The following ATRNL1 variants were observed in gnomAD, a reference collection of about 807,000 sequenced individuals.
ATRNL1 encodes the protein attractin like 1, also known as attractin-like protein 1.
ATRNL1 carries 95 observed loss-of-function variants against 182.7 expected under a neutral mutation model. That is an observed-to-expected ratio of 0.52 (90% CI 0.44 to 0.62). The LOEUF is 0.62. Ranked by LOEUF, ATRNL1 falls within the 20% of genes least tolerant of loss-of-function variation. The probability of loss-of-function intolerance (pLI) is 0.00; values close to 1 mark genes in which losing one functional copy is unlikely to be tolerated. For missense variants in ATRNL1, 1,471 were observed against 1,679.5 expected (o/e 0.88, Z 2.17); for synonymous variants, 576 against 568.3 (o/e 1.01, Z -0.19).
Position 115,576,486 on chromosome 10 carries a change from T to C in ATRNL1, c.3795+26950T>C, listed in dbSNP as rs189693939. Among the ~76,000 whole-genome samples, 351 of 152,192 alleles carry C rather than the reference T, an allele frequency of 2.3e-3. 2 individuals are homozygous for C. The highest frequency in any genetic ancestry group is 8.2e-3 in the African/African-American group (341 of 41,552). On this transcript the variant is annotated intron_variant, in intron 26 of 28. Coordinates refer to ENST00000355044, the MANE Select transcript of ATRNL1 (RefSeq NM_207303.4). ...TGATTTGCATTTCCCTGATGATTAG[T>C]GTTGTTGAGCACTTTTCCATATATC...
intron 5 of ATRNL1, among the ~76,000 whole-genome samples, chr10:115,129,972 C>T (rs1554874711): frequency 6.6e-6 from 1 of 152,106 alleles, no homozygotes; most frequent in African/African-American, 2.4e-5. Flanking sequence ...AGGCTGACAT[C>T]TTGTGGCTAT....
chr10:115,559,940 G>C (rs374031378), intron 26 of ATRNL1, among the ~76,000 whole-genome samples: 14 of 152,132 alleles, frequency 9.2e-5, no homozygotes, highest in African/African-American at 3.4e-4. Flanking sequence ...GAAGAAAGAA[G>C]TAAAGCTATC....
chr10:115,722,478 A>T (rs1947460598), intron 26 of ATRNL1, among the ~76,000 whole-genome samples: 1 of 152,186 alleles, frequency 6.6e-6, no homozygotes, highest in Admixed American at 6.5e-5. Flanking sequence ...TGATACTAAA[A>T]GTTCTTGCCA....
At chr10:115,456,228 ACCAACCCAAATTC>A (rs1325371691) in intron 21 of ATRNL1, among the ~76,000 whole-genome samples, 1 of 152,202 alleles carries the variant, frequency 6.6e-6, no homozygotes, top group Non-Finnish European at 1.5e-5. Flanking sequence ...AAGGCTTGGA[ACCAACCCAAATTC>A]CCATTATGTT....
At chr10:115,398,136 C>T (rs973399552) in intron 20 of ATRNL1, among the ~76,000 whole-genome samples, 1 of 151,952 alleles carries the variant, frequency 6.6e-6, no homozygotes, top group African/African-American at 2.4e-5. Context: ...CTGCCATTCC[C>T]TTCCACCAGT....
At chr10:115,437,263 A>G (rs1846446765) in intron 21 of ATRNL1, among the ~76,000 whole-genome samples, 1 of 152,088 alleles carries the variant, frequency 6.6e-6, no homozygotes, top group African/African-American at 2.4e-5. Context: ...CAAGATCCAA[A>G]CAATGCTATG....
chr10:115,389,348 T>A (rs1217826937), intron 19 of ATRNL1, among the ~76,000 whole-genome samples: 1 of 151,036 alleles, frequency 6.6e-6, no homozygotes, highest in East Asian at 2.0e-4. Context: ...CTACTAAATA[T>A]ACAAAAATTA....
intron 19 of ATRNL1, among the ~76,000 whole-genome samples, chr10:115,361,993 A>G (rs1277143877): frequency 6.6e-6 from 1 of 152,074 alleles, no homozygotes; most frequent in Non-Finnish European, 1.5e-5. Flanking sequence ...CCACTCTTTA[A>G]TATAGGCAAG....
At chr10:115,547,741 G>T (rs1472740528) in intron 25 of ATRNL1, among the ~76,000 whole-genome samples, 2 of 152,140 alleles carry the variant, frequency 1.3e-5, no homozygotes, top group Non-Finnish European at 2.9e-5. Flanking sequence ...TTTAAAGAAT[G>T]AATGATTGGT....
chr10:115,634,433 G>A (rs566056314), intron 26 of ATRNL1, among the ~76,000 whole-genome samples: 7 of 152,142 alleles, frequency 4.6e-5, no homozygotes, highest in Admixed American at 1.3e-4. Flanking sequence ...AAAAGGTAAC[G>A]TTTTATGACT....
chr10:115,181,340 C>CA (rs1351583082), intron 8 of ATRNL1, among the ~76,000 whole-genome samples: 1 of 151,816 alleles, frequency 6.6e-6, no homozygotes, highest in Non-Finnish European at 1.5e-5. Context: ...TGCCATTTAA[C>CA]ACTTGATATT....
intron 25 of ATRNL1, among the ~76,000 whole-genome samples, chr10:115,525,226 G>T (rs1851148325): frequency 6.6e-6 from 1 of 152,098 alleles, no homozygotes; most frequent in East Asian, 1.9e-4. Context: ...ACTGTTGGCT[G>T]CCCACCTATT....
At chr10:115,238,508 G>C (rs1850276999) in intron 9 of ATRNL1, among the ~76,000 whole-genome samples, 1 of 152,056 alleles carries the variant, frequency 6.6e-6, no homozygotes, top group Admixed American at 6.6e-5. Flanking sequence ...TGGTTCTAAT[G>C]TAAATGGTAT....
intron 3 of ATRNL1, among the ~76,000 whole-genome samples, chr10:115,124,568 C>A (rs767963172): frequency 9.2e-5 from 14 of 152,146 alleles, no homozygotes; most frequent in Non-Finnish European, 1.9e-4. Context: ...AGGCTGAACT[C>A]AAATCTCCAG....
intron 21 of ATRNL1, among the ~76,000 whole-genome samples, chr10:115,426,573 AT>A (rs1406882403): frequency 1.3e-5 from 2 of 152,204 alleles, no homozygotes; most frequent in Non-Finnish European, 2.9e-5. Context: ...TGTGATTTTA[AT>A]GTAGTCCTTT....
At chr10:115,153,641 G>A (rs1219125514) in intron 5 of ATRNL1, among the ~76,000 whole-genome samples, 1 of 151,852 alleles carries the variant, frequency 6.6e-6, no homozygotes, top group Non-Finnish European at 1.5e-5. Flanking sequence ...TATCAATTTT[G>A]TTGATTTTTT....
At chr10:115,564,619 A>C (rs1191982659) in intron 26 of ATRNL1, among the ~76,000 whole-genome samples, 1 of 151,884 alleles carries the variant, frequency 6.6e-6, no homozygotes, top group Non-Finnish European at 1.5e-5. Context: ...TACCTTGTAC[A>C]TGTTTTCATA....
intron 24 of ATRNL1, among the ~76,000 whole-genome samples, chr10:115,475,961 ATTTAG>A (rs1485016387): frequency 6.6e-6 from 1 of 151,344 alleles, no homozygotes; most frequent in Non-Finnish European, 1.5e-5. Context: ...AAGACAAAAT[ATTTAG>A]TTTAATTCAC....
At chr10:115,709,198 G>C (rs953036710) in intron 26 of ATRNL1, among the ~76,000 whole-genome samples, 8 of 151,770 alleles carry the variant, frequency 5.3e-5, no homozygotes, top group Admixed American at 2.0e-4. Context: ...TTTGAATTTT[G>C]ACCTACTTGG....
Sources: gnomAD v4.1 joint callset for allele counts (sites outside exome capture counted in the v4.1 genomes callset) on GRCh38, gnomAD v4.1.1 for gene constraint, MANE v1.5 for transcripts, NCBI Gene and HGNC (gene_info 2026-07-23, HGNC 2026-07-21) for gene names.